COX10: variants seen among roughly 807,000 people sequenced by gnomAD.
The protein encoded by COX10 is cytochrome c oxidase assembly factor heme A:farnesyltransferase COX10, also known as protoheme IX farnesyltransferase, mitochondrial.
COX10 carries 27 observed loss-of-function variants against 37.3 expected under a neutral mutation model. That is an observed-to-expected ratio of 0.72 (90% CI 0.53 to 1.00). The LOEUF (loss-of-function observed/expected upper bound fraction) is 1.00, where lower values mean the gene tolerates loss of function less well. Ranked by LOEUF, COX10 falls within the 50% of genes least tolerant of loss-of-function variation. The pLI, the probability that COX10 is intolerant of heterozygous loss-of-function variation, is 0.00. For missense variants in COX10, 475 were observed against 563.2 expected, an observed-to-expected ratio of 0.84 and a Z score of 1.59; for synonymous variants, 222 against 229.1, an observed-to-expected ratio of 0.97 and a Z score of 0.28.
intron 5 of COX10, chr17:14,182,187 A>G: frequency 1.1e-6 from 1 of 943,564 alleles, no homozygotes; most frequent in Non-Finnish European, 1.3e-6. Flanking sequence ...GCAGCTACTC[A>G]GGAGGCTGAG....
At chr17:14,108,897 C>T (rs569822976) in intron 4 of COX10, among the ~76,000 whole-genome samples, 53 of 152,194 alleles carry the variant, frequency 3.5e-4, no homozygotes, top group Middle Eastern at 3.4e-3. Context: ...TAGAAACTGA[C>T]TTTCATCTTC....
At chr17:14,205,812 T>C (rs973422870) in intron 6 of COX10, among the ~76,000 whole-genome samples, 5 of 152,102 alleles carry the variant, frequency 3.3e-5, no homozygotes, top group African/African-American at 1.2e-4. Context: ...CAAAATCCAA[T>C]GGTCAAGATT....
In COX10 at chr17:14,127,225, T is replaced by G. The variant is rs77999937; in HGVS notation, c.624+24983T>G. On this transcript the variant is annotated intron_variant, in intron 4 of 6. Coordinates refer to ENST00000261643, the MANE Select transcript of COX10 (RefSeq NM_001303.4). ...CAACCTTTCTACTGTAGATGTATATTTTTAAAAAATTGATGTTTTGAATAG... is the reference window on the plus strand; with the variant it reads ...CAACCTTTCTACTGTAGATGTATATGTTTAAAAAATTGATGTTTTGAATAG... 2.4e-3 allele frequency among the ~76,000 whole-genome samples: 365 copies of G among 152,314 alleles called. 6 individuals are homozygous for G. In the East Asian group the frequency reaches 0.029, roughly 12 times the overall value.
intron 3 of COX10, among the ~76,000 whole-genome samples, chr17:14,096,364 GTT>G (rs56369104): frequency 7.8e-6 from 1 of 128,704 alleles, no homozygotes; most frequent in Non-Finnish European, 1.6e-5. Context: ...ATGTAGGTGT[GTT>G]TTTTTTTTTT....
At chr17:14,134,724 T>C (rs1445277458) in intron 4 of COX10, among the ~76,000 whole-genome samples, 1 of 151,568 alleles carries the variant, frequency 6.6e-6, no homozygotes, top group South Asian at 2.1e-4. Context: ...AAAGTGTGCC[T>C]TTTAAGGTAG....
intron 4 of COX10, among the ~76,000 whole-genome samples, chr17:14,152,875 T>C (rs1023381749): frequency 2.6e-5 from 4 of 152,176 alleles, no homozygotes; most frequent in Non-Finnish European, 4.4e-5. Flanking sequence ...CCCAAGGATA[T>C]CTGGCAGGAG....
At chr17:14,199,781 G>A (rs186918786) in intron 6 of COX10, among the ~76,000 whole-genome samples, 4 of 152,272 alleles carry the variant, frequency 2.6e-5, no homozygotes, top group African/African-American at 7.2e-5. Flanking sequence ...GAAGTCTATT[G>A]CACTGTTGAA....
At chr17:14,179,212 G>C in intron 5 of COX10, 3 of 981,858 alleles carry the variant, frequency 3.1e-6, no homozygotes, top group Non-Finnish European at 3.6e-6. Context: ...AGAGAAGACA[G>C]AGAGATGTAG....
At chr17:14,121,284 A>G (rs1031069819) in intron 4 of COX10, among the ~76,000 whole-genome samples, 2 of 152,204 alleles carry the variant, frequency 1.3e-5, no homozygotes, top group African/African-American at 4.8e-5. Context: ...GGCACTTTCT[A>G]AAAACCATGG....
At chr17:14,075,991 C>CAAAAAA (rs71147838) in intron 2 of COX10, among the ~76,000 whole-genome samples, 8 of 83,412 alleles carry the variant, frequency 9.6e-5, no homozygotes, top group African/African-American at 3.7e-4. Flanking sequence ...GGCTCCATCT[C>CAAAAAA]AAAAAAAAAA....
At chr17:14,175,775 C>G (rs1905668892) in intron 5 of COX10, among the ~76,000 whole-genome samples, 2 of 150,962 alleles carry the variant, frequency 1.3e-5, no homozygotes, top group Admixed American at 1.3e-4. Flanking sequence ...CACTCCAGAG[C>G]GGGAAGGCAC....
chr17:14,198,381 T>C (rs867157517), intron 6 of COX10, among the ~76,000 whole-genome samples: 2 of 152,208 alleles, frequency 1.3e-5, no homozygotes, highest in Non-Finnish European at 2.9e-5. Flanking sequence ...CCCCCTCTTT[T>C]CATCACTCCA....
In COX10 at chr17:14,206,901, C is replaced by G; in HGVS notation, c.1020C>G (p.Gly340=). The change falls in exon 7 of 7, where the codon GGC becomes GGG. Residue 340 remains glycine (G), a synonymous_variant. Coordinates refer to ENST00000261643, the MANE Select transcript of COX10 (RefSeq NM_001303.4). ...GCCTCCGTGAAGACTACTCCCGGGG[C>G]GGCTACTGCATGATGTCGGTCACCC... ...SWGLREDYSR[G]GYCMMSVTHP... The G allele has an allele frequency of 6.2e-7, 1 of 1,613,886 alleles. No homozygotes were observed.
chr17:14,141,782 G>A (rs956486968), intron 4 of COX10, among the ~76,000 whole-genome samples: 1 of 151,978 alleles, frequency 6.6e-6, no homozygotes, highest in African/African-American at 2.4e-5. Context: ...GAATTCTGTT[G>A]TTGTGGTAAT....
At chr17:14,073,243 T>C (rs116204106) in intron 1 of COX10, among the ~76,000 whole-genome samples, 1 of 152,168 alleles carries the variant, frequency 6.6e-6, no homozygotes, top group African/African-American at 2.4e-5. Context: ...AAATGTAAGA[T>C]GATGAATGTA....
chr17:14,154,845 C>T (rs940296863), intron 4 of COX10, among the ~76,000 whole-genome samples: 4 of 140,120 alleles, frequency 2.9e-5, no homozygotes, highest in African/African-American at 1.0e-4. Context: ...GGCTGAGTCT[C>T]CAACTCCCTT....
chr17:14,096,160 T>G (rs1915646771), intron 3 of COX10, among the ~76,000 whole-genome samples: 1 of 151,910 alleles, frequency 6.6e-6, no homozygotes, highest in South Asian at 2.1e-4. Flanking sequence ...CCCACTCCTA[T>G]GATAGTCTAT....
At chr17:14,172,647 A>G (rs532815515) in intron 5 of COX10, among the ~76,000 whole-genome samples, 1 of 135,040 alleles carries the variant, frequency 7.4e-6, no homozygotes, top group Admixed American at 8.5e-5. Context: ...TGGCAGGACT[A>G]TGGCTCACTG....
intron 5 of COX10, among the ~76,000 whole-genome samples, chr17:14,190,423 G>A (rs1481168237): frequency 6.6e-6 from 1 of 152,204 alleles, no homozygotes; most frequent in African/African-American, 2.4e-5. Flanking sequence ...CCAGGAACAG[G>A]TGGGTGGAAA....
Sources: gnomAD v4.1 joint callset for allele counts (sites outside exome capture counted in the v4.1 genomes callset) on GRCh38, gnomAD v4.1.1 for gene constraint, MANE v1.5 for transcripts, NCBI Gene and HGNC (gene_info 2026-07-23, HGNC 2026-07-21) for gene names.